TEX10: variants seen among roughly 807,000 people sequenced by gnomAD.
The protein encoded by TEX10 is testis-expressed protein 10.
TEX10 carries 24 observed loss-of-function variants against 104.4 expected under a neutral mutation model. The observed-to-expected ratio is 0.23, with a 90% confidence interval of 0.17 to 0.32. The LOEUF (loss-of-function observed/expected upper bound fraction) is 0.32. Ranked by LOEUF, TEX10 falls within the 10% of genes least tolerant of loss-of-function variation. The pLI is 1.00. For missense variants in TEX10, 921 were observed against 1,083.9 expected (o/e 0.85, Z 2.11); for synonymous variants, 396 against 393.4 (o/e 1.01, Z -0.08).
At chr9:100,347,805 A>G (rs1835336981) in intron 2 of TEX10, among the ~76,000 whole-genome samples, 2 of 152,212 alleles carry the variant, frequency 1.3e-5, no homozygotes, top group African/African-American at 4.8e-5. Context: ...TGTTTTATTC[A>G]GAGTATACTA....
At chr9:100,303,875 G>A in intron 13 of TEX10, 33 bp from the exon 14 acceptor site, 1 of 1,604,708 alleles carries the variant, frequency 6.2e-7, no homozygotes, top group Non-Finnish European at 8.5e-7. Flanking sequence ...GAGTCAGTGA[G>A]CAAATGCCCA....
intron 1 of TEX10, among the ~76,000 whole-genome samples, chr9:100,350,752 A>C (rs1429838024): frequency 2.0e-5 from 3 of 152,232 alleles, no homozygotes; most frequent in Admixed American, 1.3e-4. Context: ...TGCAATACTG[A>C]ACAGCTCAAG....
At chr9:100,333,659 A>G (rs563386775) in intron 5 of TEX10, among the ~76,000 whole-genome samples, 2 of 149,888 alleles carry the variant, frequency 1.3e-5, no homozygotes, top group South Asian at 2.1e-4. Flanking sequence ...AAAAAAAACC[A>G]CAACAAAAAA....
At chr9:100,352,703 G>A (rs1042982570) in intron 1 of TEX10, 69 bp downstream of exon 1, 59 of 1,306,880 alleles carry the variant, frequency 4.5e-5, no homozygotes, top group Non-Finnish European at 5.6e-5. Context: ...CGGATCGGGG[G>A]GCGACGGCCC....
chr9:100,329,986 T>C lies in TEX10; in HGVS notation c.1434A>G (p.Gln478=). Residue 478 remains glutamine (Q), a synonymous_variant, in exon 6 of 15, where the codon CAA becomes CAG. Transcript: ENST00000374902. ...LEDGSRLNSK[Q]LNRLLGVSWR... Reference sequence around the variant, plus strand: ...AGGATACTCCCAGCAATCTGTTCAGTTGCTTACTATTTAGCCTAGAGCCAT... The same window carrying C: ...AGGATACTCCCAGCAATCTGTTCAGCTGCTTACTATTTAGCCTAGAGCCAT... 4 of 1,614,150 alleles carry C rather than the reference T, an allele frequency of 2.5e-6. No homozygotes were observed. The highest frequency in any genetic ancestry group is 1.1e-5 in the South Asian group (1 of 91,070).
chr9:100,318,810 C>T (rs1267904817), intron 11 of TEX10, among the ~76,000 whole-genome samples: 1 of 152,168 alleles, frequency 6.6e-6, no homozygotes, highest in Non-Finnish European at 1.5e-5. Flanking sequence ...ATGCCTACAG[C>T]CCCAGCTACT....
At chr9:100,311,571 G>A (rs1036350209) in intron 11 of TEX10, among the ~76,000 whole-genome samples, 8 of 152,128 alleles carry the variant, frequency 5.3e-5, no homozygotes, top group African/African-American at 1.7e-4. Flanking sequence ...CCACCTGATA[G>A]AGAAATGTAT....
intron 8 of TEX10, 118 bp from the exon 9 acceptor site, chr9:100,326,597 T>C (rs528227757): frequency 2.1e-6 from 2 of 957,638 alleles, no homozygotes; most frequent in East Asian, 5.4e-5. Flanking sequence ...CTGAATTTTA[T>C]GAATATCAAT....
intron 5 of TEX10, among the ~76,000 whole-genome samples, chr9:100,335,965 C>T (rs1014679345): frequency 3.3e-5 from 5 of 151,674 alleles, no homozygotes; most frequent in Non-Finnish European, 7.4e-5. Context: ...GTCAGGAGTT[C>T]GAGACCAGCC....
At chr9:100,344,932 T>C (rs1324887720) in intron 4 of TEX10, among the ~76,000 whole-genome samples, 1 of 152,238 alleles carries the variant, frequency 6.6e-6, no homozygotes, top group African/African-American at 2.4e-5. Context: ...TTAAGGACTT[T>C]AGCATTACTT....
chr9:100,326,861 C>G (rs4742782), intron 8 of TEX10, among the ~76,000 whole-genome samples: 69,078 of 151,848 alleles, frequency 0.45, 17,382 homozygotes, highest in East Asian at 0.89. Context: ...TATATATATA[C>G]CTACAGATAT....
Position 100,352,816 on chromosome 9 carries a change from G to A in TEX10, c.-54C>T. The A allele has an allele frequency of 9.5e-7, 1 of 1,047,172 alleles. No homozygotes were observed. The highest frequency in any genetic ancestry group is 1.1e-6 in the Non-Finnish European group (1 of 872,278). The allele number at this position is 1,047,172 out of a possible 1,614,324, so 64.9% of individuals were successfully genotyped here. On this transcript the variant is annotated 5_prime_UTR_variant, in exon 1 of 15. Coordinates refer to ENST00000374902, the MANE Select transcript of TEX10 (RefSeq NM_017746.4). ...CGGGGCGAGAAGCCCGAGAAGACAA[G>A]CGAGGGAGCAGAAGCCCACGGGGCA...
chr9:100,335,932 C>G (rs900089646), intron 5 of TEX10, among the ~76,000 whole-genome samples: 4 of 151,962 alleles, frequency 2.6e-5, no homozygotes, highest in Non-Finnish European at 5.9e-5. Flanking sequence ...AAAATACAGG[C>G]TGGGCACAGT....
At chr9:100,328,728 GTCTCTC>G (rs1477633882) in intron 7 of TEX10, among the ~76,000 whole-genome samples, 3 of 152,052 alleles carry the variant, frequency 2.0e-5, no homozygotes, top group Non-Finnish European at 4.4e-5. Context: ...CTCTTTTGTT[GTCTCTC>G]TCTGATAGCA....
At chr9:100,323,327 A>C (rs1183138294) in intron 9 of TEX10, among the ~76,000 whole-genome samples, 1 of 152,188 alleles carries the variant, frequency 6.6e-6, no homozygotes, top group Non-Finnish European at 1.5e-5. Flanking sequence ...AAAAGGAGTA[A>C]AATGGAACTG....
intron 9 of TEX10, among the ~76,000 whole-genome samples, chr9:100,324,344 T>A (rs1455250100): frequency 6.6e-6 from 1 of 152,162 alleles, no homozygotes; most frequent in Non-Finnish European, 1.5e-5. Flanking sequence ...AGTCTTATTA[T>A]GACCCTATGA....
In TEX10 at chr9:100,321,756, C is replaced by T; in HGVS notation, c.1995G>A (p.Gly665=). The part of the protein sequence containing the change: ...GILHMRSSFS[G]WKYSAKDWLM... ...ACCAGTCTTTAGCTGAATACTTCCA[C>T]CCAGAAAATGATGATCTATAAAAAA... Residue 665 remains glycine, a synonymous_variant, in exon 10 of 15, where the codon GGG becomes GGA. Transcript: ENST00000374902. 1.2e-6 allele frequency: 2 copies of T among 1,611,916 alleles called. No individual in the cohort carries two copies. Among genetic ancestry groups the T allele is most frequent in the South Asian group, 1.1e-5 (1 of 90,986 alleles).
In TEX10 at chr9:100,352,806, G is replaced by T; in HGVS notation, c.-44C>A. 1.9e-6 allele frequency: 2 copies of T among 1,056,274 alleles called. No homozygotes were observed. The highest frequency in any genetic ancestry group is 2.3e-6 in the Non-Finnish European group (2 of 878,080). 65.4% of individuals were successfully genotyped at this position (1,056,274 alleles called of 1,614,324 possible). ...CGGCCGCGGCCGGGGCGAGAAGCCC[G>T]AGAAGACAAGCGAGGGAGCAGAAGC... is the stretch of plus-strand genomic sequence containing the variant. On this transcript the variant is annotated 5_prime_UTR_variant, in exon 1 of 15. Coordinates refer to ENST00000374902, the MANE Select transcript of TEX10 (RefSeq NM_017746.4).
At chr9:100,329,793 C>T in intron 6 of TEX10, 138 bp downstream of exon 6, 2 of 752,396 alleles carry the variant, frequency 2.7e-6, no homozygotes, top group Non-Finnish European at 4.4e-6. Flanking sequence ...TTCAAGTAGA[C>T]AGTAGCTACC....
Sources: allele counts gnomAD v4.1 joint callset (sites outside exome capture counted in the v4.1 genomes callset), GRCh38; gene constraint gnomAD v4.1.1; transcripts MANE v1.5; gene names NCBI Gene and HGNC (gene_info 2026-07-23, HGNC 2026-07-21).